ABCB4: variants seen among roughly 807,000 people sequenced by gnomAD.
ABCB4 encodes phosphatidylcholine translocator ABCB4.
ABCB4 carries 76 observed loss-of-function variants against 145.7 expected under a neutral mutation model. The ratio of observed to expected loss-of-function variants is 0.52; its 90% CI spans 0.43 to 0.63. The LOEUF (loss-of-function observed/expected upper bound fraction) is 0.63, where lower values mean the gene tolerates loss of function less well. Among genes scored for constraint, ABCB4 ranks in the 30% least tolerant of loss-of-function variants. The pLI is 0.00. For synonymous variants in ABCB4, 517 were observed against 566.8 expected, an observed-to-expected ratio of 0.91 and a Z score of 1.25; for missense variants, 1,234 against 1,553.1, an observed-to-expected ratio of 0.79 and a Z score of 3.45.
rs112566063 is a variant in ABCB4, at chr7:87,472,892, C to T, written c.81-217G>A. Among the ~76,000 whole-genome samples the T allele has an allele frequency of 5.3e-5, 8 of 152,258 alleles. 1 individual carries two copies. The highest frequency in any genetic ancestry group is 2.1e-4 in the South Asian group (1 of 4,824). On this transcript the variant is annotated intron_variant, in intron 2 of 27. Transcript: ENST00000649586. Reference sequence around the variant, plus strand: ...GATACATGGATACATAAGAAATGGTCGCCTGCCTTACAGAGCTCACATACA... The same window carrying T: ...GATACATGGATACATAAGAAATGGTTGCCTGCCTTACAGAGCTCACATACA...
chr7:87,404,360 T>G (rs1481728315), intron 26 of ABCB4, among the ~76,000 whole-genome samples: 1 of 151,966 alleles, frequency 6.6e-6, no homozygotes, highest in African/African-American at 2.4e-5. Flanking sequence ...ATGTTTAAAG[T>G]GAACTAAAAA....
At chr7:87,454,619 G>C (rs1584769069) in intron 4 of ABCB4, 27 bp from the exon 5 acceptor site, 1 of 1,548,910 alleles carries the variant, frequency 6.5e-7, no homozygotes, top group Non-Finnish European at 8.9e-7. Flanking sequence ...AATAAAACAT[G>C]TTAAAAGATC....
rs752621529 is a variant in ABCB4 at position 87,433,669 on chromosome 7, G to GTTTTTTTTTTTTTTTTT, written c.1732-2105_1732-2104insAAAAAAAAAAAAAAAAA. 2.4e-5 allele frequency among the ~76,000 whole-genome samples: 3 copies of GTTTTTTTTTTTTTTTTT among 124,052 alleles called. 1 individual carries two copies. The highest frequency in any genetic ancestry group is 4.8e-5 in the Non-Finnish European group (3 of 63,000). 81.4% of individuals were successfully genotyped at this position (124,052 alleles called of 152,430 possible). ...AAGTAGAGCTTTGACACAAAAAATT[G>GTTTTTTTTTTTTTTTTT]TTGTTGTTTTTTTTTTTTTTTTTTT... On this transcript the variant is annotated intron_variant, in intron 14 of 27. Coordinates refer to ENST00000649586, the MANE Select transcript of ABCB4 (RefSeq NM_000443.4).
chr7:87,392,988 G>A, the ABCB4 span: 1 of 1,613,644 alleles, frequency 6.2e-7, no homozygotes, highest in Middle Eastern at 1.7e-4. Flanking sequence ...AAGTCTGGTT[G>A]GCTATTTACG....
chr7:87,391,918 T>C, the ABCB4 span, among the ~76,000 whole-genome samples: 1 of 152,158 alleles, frequency 6.6e-6, no homozygotes, highest in Non-Finnish European at 1.5e-5. Flanking sequence ...AGGATCCCAT[T>C]TGTGTTATTT....
chr7:87,417,241 GATAA>G (rs1406769284), intron 21 of ABCB4, 67 bp downstream of exon 21: 1 of 1,411,820 alleles, frequency 7.1e-7, no homozygotes, highest in Non-Finnish European at 1.0e-6. Context: ...TGCATATCAT[GATAA>G]ATAATTCAAA....
intron 14 of ABCB4, among the ~76,000 whole-genome samples, chr7:87,436,269 TA>T (rs1305602385): frequency 1.3e-5 from 2 of 151,334 alleles, no homozygotes; most frequent in Non-Finnish European, 2.9e-5. Flanking sequence ...GTAAGATTTT[TA>T]GCAAAAATCT....
rs113879800 is a variant in ABCB4 at position 87,433,936 on chromosome 7, C to CTT, written c.1732-2373_1732-2372dup. The stretch of plus-strand genomic sequence containing the variant: ...TCACCATAAAATCACCGTTTTCATT[C>CTT]TTTTTTTTTTTTGAGATGGAGTCTT... On this transcript the variant is annotated intron_variant, in intron 14 of 27. Coordinates refer to ENST00000649586, the MANE Select transcript of ABCB4 (RefSeq NM_000443.4). 3.7e-3 allele frequency among the ~76,000 whole-genome samples: 523 copies of CTT among 141,740 alleles called. 2 individuals are homozygous for CTT. Among genetic ancestry groups the CTT allele is most frequent in the African/African-American group, 0.013 (494 of 38,950 alleles). 93.0% of individuals were successfully genotyped at this position (141,740 alleles called of 152,430 possible). A position where few individuals can be genotyped will look rare whatever the true frequency, so the allele number is the denominator to read the frequency against.
At chr7:87,450,164 A>G in intron 7 of ABCB4, 72 bp from the exon 8 acceptor site, 1 of 1,594,446 alleles carries the variant, frequency 6.3e-7, no homozygotes, top group Non-Finnish European at 8.6e-7. Context: ...TCAACCCTTT[A>G]ACCTACTTTT....
At chr7:87,445,586 T>C (rs775331940) in intron 9 of ABCB4, among the ~76,000 whole-genome samples, 5 of 152,090 alleles carry the variant, frequency 3.3e-5, no homozygotes, top group Admixed American at 1.3e-4. Flanking sequence ...GAATACAGCT[T>C]CAGGAATCCA....
intron 7 of ABCB4, among the ~76,000 whole-genome samples, chr7:87,451,243 T>C (rs1335923931): frequency 6.6e-6 from 1 of 151,682 alleles, no homozygotes; most frequent in Non-Finnish European, 1.5e-5. Context: ...TCAGCGATTC[T>C]CCTGTCTCAG....
intron 14 of ABCB4, among the ~76,000 whole-genome samples, chr7:87,433,217 C>A (rs1810363993): frequency 2.0e-5 from 3 of 152,050 alleles, no homozygotes. Context: ...TAAAATAAAT[C>A]CAGATGAATC....
chr7:87,444,902 G>T lies in ABCB4; in HGVS notation c.1079C>A (p.Ala360Glu). 6.2e-7 allele frequency: 1 copy of T among 1,609,230 alleles called. No individual in the cohort carries two copies. ...AAAGATCACATATGCTGCTCCTCTT[G>T]CATTGGCAAAAGCATCAATACATGG... ...AAPCIDAFAN[A>E]RGAAYVIFDI... Residue 360 changes from alanine to glutamate, a missense_variant, in exon 10 of 28, where the codon GCA (alanine) becomes GAA (glutamate). Around this residue, in one of 7 missense-constraint regions of ABCB4, gnomAD observed 467 missense variants for 632.8 expected, o/e 0.74. Transcript: ENST00000649586.
chr7:87,443,512 A>T, intron 11 of ABCB4, 68 bp from the exon 12 acceptor site: 2 of 1,603,784 alleles, frequency 1.2e-6, no homozygotes, highest in Non-Finnish European at 1.7e-6. Context: ...AATTCGATTC[A>T]GTTTGAAATT....
chr7:87,399,474 CAAA>C (rs1423357294), downstream of ABCB4: 1 of 151,472 alleles, frequency 6.6e-6, no homozygotes. Flanking sequence ...GACCCTGTCT[CAAA>C]GAAGAAAAAA....
intron 14 of ABCB4, among the ~76,000 whole-genome samples, chr7:87,434,932 A>AT (rs1040499145): frequency 1.3e-4 from 20 of 152,336 alleles, no homozygotes; most frequent in African/African-American, 4.8e-4. Flanking sequence ...AAGAGAAGGC[A>AT]TAAAAATAAG....
intron 18 of ABCB4, 112 bp downstream of exon 18, chr7:87,422,009 A>G (rs1809473818): frequency 1.2e-6 from 1 of 807,708 alleles, no homozygotes; most frequent in African/African-American, 1.7e-5. Context: ...CCTTATGCCA[A>G]TCATGTTTGC....
Position 87,443,306 on chromosome 7 carries a change from T to C in ABCB4, c.1356+13A>G. ...AGCTTCCCACTCTGGAAAGCTTGGT[T>C]CTTCCCACTTACTGTGCCCTCATCA... is the stretch of plus-strand genomic sequence containing the variant. On this transcript the variant is annotated intron_variant, in intron 12 of 27. Transcript: ENST00000649586. 6.2e-7 allele frequency: 1 copy of C among 1,613,984 alleles called. No individual in the cohort carries two copies.
intron 14 of ABCB4, among the ~76,000 whole-genome samples, chr7:87,438,223 A>C (rs1271333858): frequency 6.6e-6 from 1 of 152,188 alleles, no homozygotes; most frequent in Non-Finnish European, 1.5e-5. Context: ...ATGCCAATAC[A>C]TGAATGTCTA....
Sources: gnomAD v4.1 joint callset for allele counts (sites outside exome capture counted in the v4.1 genomes callset) on GRCh38, gnomAD v4.1.1 for gene constraint, gnomAD v4.1.1 regional missense constraint, MANE v1.5 for transcripts, NCBI Gene and HGNC (gene_info 2026-07-23, HGNC 2026-07-21) for gene names.